The following AUTS2 variants were observed in gnomAD, a reference collection of about 807,000 sequenced individuals.
AUTS2 encodes the protein autism susceptibility gene 2 protein.
AUTS2 carries 17 observed loss-of-function variants against 112.4 expected under a neutral mutation model. The observed-to-expected ratio is 0.15, with a 90% confidence interval of 0.10 to 0.23. AUTS2 has a LOEUF of 0.23. Ranked by LOEUF, AUTS2 falls within the 10% of genes least tolerant of loss-of-function variation. The pLI is 1.00. For missense variants in AUTS2, 1,510 were observed against 1,701.6 expected (o/e 0.89, Z 1.98); for synonymous variants, 751 against 702.7 (o/e 1.07, Z -1.09).
chr7:70,087,704 A>G (rs190852757), intron 2 of AUTS2, among the ~76,000 whole-genome samples: 6 of 152,150 alleles, frequency 3.9e-5, no homozygotes, highest in South Asian at 4.1e-4. Context: ...TTTGGTTTCT[A>G]TATCAGGATA....
chr7:70,141,323 C>T (rs1195128540), intron 4 of AUTS2, among the ~76,000 whole-genome samples: 4 of 151,938 alleles, frequency 2.6e-5, no homozygotes, highest in African/African-American at 4.8e-5. Context: ...TAGAGAAGGA[C>T]GTCAAGTAAA....
chr7:70,510,225 C>T (rs1305819803), intron 5 of AUTS2, among the ~76,000 whole-genome samples: 5 of 152,240 alleles, frequency 3.3e-5, no homozygotes, highest in South Asian at 2.1e-4. Flanking sequence ...TCTGCTTCTC[C>T]ATTCTGGGTG....
chr7:69,803,971 G>A (rs774727316), intron 1 of AUTS2, among the ~76,000 whole-genome samples: 31 of 152,298 alleles, frequency 2.0e-4, no homozygotes, highest in Admixed American at 7.2e-4. Flanking sequence ...GGTTGCGGCT[G>A]CAGTGATCAT....
At chr7:69,643,781 C>T (rs1219269225) in intron 1 of AUTS2, among the ~76,000 whole-genome samples, 2 of 152,100 alleles carry the variant, frequency 1.3e-5, no homozygotes, top group Non-Finnish European at 2.9e-5. Flanking sequence ...TTCTCCACCC[C>T]CCAAATTCGT....
At chr7:70,012,424 T>C (rs1799845615) in intron 2 of AUTS2, among the ~76,000 whole-genome samples, 2 of 152,314 alleles carry the variant, frequency 1.3e-5, no homozygotes, top group Middle Eastern at 3.4e-3. Flanking sequence ...AAACAAACCA[T>C]GTAAAAATAT....
At chr7:70,711,311 C>T (rs960440269) in intron 6 of AUTS2, among the ~76,000 whole-genome samples, 7 of 152,182 alleles carry the variant, frequency 4.6e-5, no homozygotes, top group South Asian at 2.1e-4. Flanking sequence ...TCTGACTTTC[C>T]GAGCCCTCTC....
intron 4 of AUTS2, among the ~76,000 whole-genome samples, chr7:70,139,194 T>C (rs1472777333): frequency 1.3e-5 from 2 of 152,234 alleles, no homozygotes; most frequent in Non-Finnish European, 2.9e-5. Flanking sequence ...CTTGAACTCC[T>C]GGGCTCAAGC....
At chr7:69,777,627 C>G (rs1788951933) in intron 1 of AUTS2, among the ~76,000 whole-genome samples, 1 of 152,176 alleles carries the variant, frequency 6.6e-6, no homozygotes, top group Admixed American at 6.5e-5. Flanking sequence ...CAGGACAGTG[C>G]TTTGCATTCA....
intron 2 of AUTS2, among the ~76,000 whole-genome samples, chr7:69,979,198 T>A (rs2129549664): frequency 6.6e-6 from 1 of 152,344 alleles, no homozygotes; most frequent in South Asian, 2.1e-4. Flanking sequence ...GAACATAAGC[T>A]GTGGAGCATG....
intron 4 of AUTS2, among the ~76,000 whole-genome samples, chr7:70,150,576 T>G (rs1341622941): frequency 6.6e-6 from 1 of 152,184 alleles, no homozygotes; most frequent in Non-Finnish European, 1.5e-5. Context: ...GTGTTTTAAG[T>G]GATAGAAATC....
intron 2 of AUTS2, among the ~76,000 whole-genome samples, chr7:70,022,019 T>C (rs1279280783): frequency 6.6e-6 from 1 of 151,580 alleles, no homozygotes; most frequent in African/African-American, 2.4e-5. Flanking sequence ...TTTGACCTAT[T>C]TAAAAGGTGT....
At chr7:70,469,490 A>G (rs1488871381) in intron 5 of AUTS2, among the ~76,000 whole-genome samples, 6 of 152,176 alleles carry the variant, frequency 3.9e-5, no homozygotes, top group Non-Finnish European at 7.3e-5. Flanking sequence ...GAGTAGCTGG[A>G]TATCAGTGAG....
At chr7:69,903,316 TC>T (rs1795038718) in intron 2 of AUTS2, among the ~76,000 whole-genome samples, 1 of 152,158 alleles carries the variant, frequency 6.6e-6, no homozygotes, top group Admixed American at 6.5e-5. Context: ...ACTTAACCCT[TC>T]CCAGGGCATT....
At chr7:69,949,228 A>G (rs1314102084) in intron 2 of AUTS2, among the ~76,000 whole-genome samples, 1 of 152,242 alleles carries the variant, frequency 6.6e-6, no homozygotes, top group South Asian at 2.1e-4. Context: ...TGTAATGCAT[A>G]TGATGTAACA....
chr7:69,845,330 G>T (rs983970207), intron 1 of AUTS2, among the ~76,000 whole-genome samples: 2 of 152,060 alleles, frequency 1.3e-5, no homozygotes, highest in Non-Finnish European at 2.9e-5. Flanking sequence ...TTACCACTCC[G>T]TTATCCCTGC....
chr7:69,671,307 A>G (rs1360796492), intron 1 of AUTS2, among the ~76,000 whole-genome samples: 1 of 152,194 alleles, frequency 6.6e-6, no homozygotes, highest in Non-Finnish European at 1.5e-5. Context: ...CAAATCTCTC[A>G]AGAAATCTGT....
intron 4 of AUTS2, chr7:70,292,402 T>C (rs1421619347): frequency 6.6e-6 from 1 of 152,368 alleles, no homozygotes; most frequent in Non-Finnish European, 1.5e-5. Flanking sequence ...TCCGATAGCC[T>C]CTAATTATGT....
intron 5 of AUTS2, among the ~76,000 whole-genome samples, chr7:70,557,040 A>AACAGGAG (rs1801277265): frequency 6.6e-6 from 1 of 152,118 alleles, no homozygotes; most frequent in African/African-American, 2.4e-5. Flanking sequence ...CACTGTGGCC[A>AACAGGAG]TTGGTGTAGT....
At chr7:70,137,812 C>T (rs1238983717) in intron 4 of AUTS2, among the ~76,000 whole-genome samples, 1 of 152,178 alleles carries the variant, frequency 6.6e-6, no homozygotes, top group African/African-American at 2.4e-5. Context: ...TTGGTCTCAT[C>T]AGGTGGCTGT....
Sources: gnomAD v4.1 joint callset for allele counts (sites outside exome capture counted in the v4.1 genomes callset) on GRCh38, gnomAD v4.1.1 for gene constraint, MANE v1.5 for transcripts, NCBI Gene and HGNC (gene_info 2026-07-23, HGNC 2026-07-21) for gene names.